Variants in GPHN observed in about 807,000 individuals in gnomAD.
The protein encoded by GPHN is gephyrin.
A neutral mutation model predicts 95.5 loss-of-function variants in GPHN; 17 were observed. The ratio of observed to expected loss-of-function variants is 0.18; its 90% CI spans 0.12 to 0.27. The LOEUF (loss-of-function observed/expected upper bound fraction) is 0.27, where lower values mean the gene tolerates loss of function less well. Among genes scored for constraint, GPHN ranks in the 10% least tolerant of loss-of-function variants. The pLI, the probability that GPHN is intolerant of heterozygous loss-of-function variation, is 1.00. For synonymous variants in GPHN, 320 were observed against 322.5 expected (o/e 0.99, Z 0.08); for missense variants, 660 against 978.1 (o/e 0.67, Z 4.34).
chr14:66,906,967 G>A (rs896272284), intron 5 of GPHN, among the ~76,000 whole-genome samples: 1 of 152,098 alleles, frequency 6.6e-6, no homozygotes, highest in Non-Finnish European at 1.5e-5. Context: ...ATTCGATCCT[G>A]TTGATTTGTG....
chr14:66,585,763 A>T (rs1357682136), intron 1 of GPHN, among the ~76,000 whole-genome samples: 1 of 152,066 alleles, frequency 6.6e-6, no homozygotes, highest in African/African-American at 2.4e-5. Flanking sequence ...ACAGTTTGTT[A>T]TAATTTCTGT....
chr14:66,744,644 GATTA>G (rs1163703939), intron 2 of GPHN, among the ~76,000 whole-genome samples: 2 of 152,150 alleles, frequency 1.3e-5, no homozygotes, highest in African/African-American at 2.4e-5. Flanking sequence ...CAGTTTTATT[GATTA>G]ATTGAGTGCA....
the GPHN span, among the ~76,000 whole-genome samples, chr14:67,273,571 C>T: frequency 3.3e-5 from 5 of 152,182 alleles, no homozygotes; most frequent in African/African-American, 1.2e-4. Context: ...TGAATAGTGC[C>T]GCAGTCAACA....
chr14:67,339,622 C>G, the GPHN span, among the ~76,000 whole-genome samples: 1 of 152,158 alleles, frequency 6.6e-6, no homozygotes, highest in African/African-American at 2.4e-5. Flanking sequence ...TGCATAATTT[C>G]TCTCCAAGTG....
At chr14:66,831,265 A>G (rs1185328218) in intron 4 of GPHN, among the ~76,000 whole-genome samples, 1 of 152,192 alleles carries the variant, frequency 6.6e-6, no homozygotes, top group Non-Finnish European at 1.5e-5. Flanking sequence ...TGTTTTGAGT[A>G]AAATAAAATA....
chr14:67,676,457 T>C, the GPHN span, among the ~76,000 whole-genome samples: 150,105 of 152,316 alleles, frequency 0.99, 73,985 homozygotes, highest in East Asian at 1. Context: ...TGGGGCCGGG[T>C]GCTGCGGCTC....
At chr14:67,308,503 C>A in the GPHN span, among the ~76,000 whole-genome samples, 1 of 151,254 alleles carries the variant, frequency 6.6e-6, no homozygotes, top group African/African-American at 2.4e-5. Context: ...GAATATAGAT[C>A]CTGAGTTTTA....
chr14:66,819,974 G>A (rs2061127339), intron 3 of GPHN, among the ~76,000 whole-genome samples: 1 of 152,038 alleles, frequency 6.6e-6, no homozygotes, highest in South Asian at 2.1e-4. Flanking sequence ...GAGTAAAAGA[G>A]CCTATTGACT....
In GPHN at chr14:66,727,004, A is replaced by T. The variant is rs1376902789; in HGVS notation, c.143+45819A>T. 9.8e-5 allele frequency among the ~76,000 whole-genome samples: 15 copies of T among 152,308 alleles called. No individual in the cohort carries two copies. In the East Asian group the frequency reaches 2.7e-3, roughly 27 times the overall value. On this transcript the variant is annotated intron_variant, in intron 2 of 22. Coordinates refer to ENST00000478722, the MANE Select transcript of GPHN (RefSeq NM_020806.5). ...CCCCTCAAATCTCATCTTGAATTGT[A>T]ACTCCCACAATTCCCACATGTCATA...
At chr14:67,519,319 G>T in the GPHN span, among the ~76,000 whole-genome samples, 2 of 152,352 alleles carry the variant, frequency 1.3e-5, no homozygotes, top group South Asian at 4.1e-4. Flanking sequence ...TAAAGGGAAT[G>T]CTGGCAAAAC....
chr14:66,777,466 C>A (rs960085228), intron 3 of GPHN, among the ~76,000 whole-genome samples: 1 of 152,170 alleles, frequency 6.6e-6, no homozygotes, highest in Non-Finnish European at 1.5e-5. Flanking sequence ...CTCCCTAACT[C>A]ATTTTATGAG....
chr14:66,811,428 A>G (rs2060757002), intron 3 of GPHN, among the ~76,000 whole-genome samples: 1 of 152,088 alleles, frequency 6.6e-6, no homozygotes, highest in African/African-American at 2.4e-5. Context: ...GTCTAATAAA[A>G]TGTTTGTGAT....
chr14:67,446,374 T>C, the GPHN span, among the ~76,000 whole-genome samples: 2 of 152,058 alleles, frequency 1.3e-5, no homozygotes, highest in East Asian at 3.9e-4. Flanking sequence ...TAACTATGAG[T>C]GTTGAATAAA....
intron 1 of GPHN, among the ~76,000 whole-genome samples, chr14:66,545,406 G>A (rs563814712): frequency 1.1e-4 from 14 of 133,024 alleles, no homozygotes; most frequent in Non-Finnish European, 1.6e-4. Flanking sequence ...CCTCCCTCCC[G>A]GATGGGGCGG....
At chr14:67,352,413 T>A in the GPHN span, among the ~76,000 whole-genome samples, 1 of 142,378 alleles carries the variant, frequency 7.0e-6, no homozygotes. Context: ...GGCTGCAGAG[T>A]AAGACCTTGC....
chr14:66,826,581 C>T (rs1195360631), intron 4 of GPHN, among the ~76,000 whole-genome samples: 1 of 152,102 alleles, frequency 6.6e-6, no homozygotes, highest in African/African-American at 2.4e-5. Flanking sequence ...AACCGCGTCC[C>T]CCACCCCACT....
intron 1 of GPHN, among the ~76,000 whole-genome samples, chr14:66,659,140 A>AT (rs537312271): frequency 4.8e-4 from 72 of 150,588 alleles, no homozygotes; most frequent in African/African-American, 1.2e-3. Context: ...TTATTTTCAT[A>AT]TTTTTTTTCA....
Position 67,040,993 on chromosome 14 carries a change from C to G in GPHN, c.1006+17318C>G, listed in dbSNP as rs8007327. Among the ~76,000 whole-genome samples the G allele has an allele frequency of 3.8e-3, 584 of 152,186 alleles. 5 individuals carry two copies. The highest frequency in any genetic ancestry group is 0.014 in the African/African-American group (561 of 41,528). On this transcript the variant is annotated intron_variant, in intron 10 of 22. Transcript: ENST00000478722. ...TGTTTTGTTTTTCTTGAGGCTTTTACCTTCTAGTCTTAGCATTAACTGATT... is the reference window on the plus strand; with the variant it reads ...TGTTTTGTTTTTCTTGAGGCTTTTAGCTTCTAGTCTTAGCATTAACTGATT...
intron 1 of GPHN, among the ~76,000 whole-genome samples, chr14:66,592,134 C>T (rs879202955): frequency 6.6e-6 from 1 of 152,180 alleles, no homozygotes; most frequent in South Asian, 2.1e-4. Flanking sequence ...CTTCCTTACA[C>T]CTCATACAAA....
Sources: allele counts gnomAD v4.1 joint callset (sites outside exome capture counted in the v4.1 genomes callset), GRCh38; gene constraint gnomAD v4.1.1; transcripts MANE v1.5; gene names NCBI Gene and HGNC (gene_info 2026-07-23, HGNC 2026-07-21).